Variants in NRXN3 observed in about 807,000 individuals in gnomAD.
The protein encoded by NRXN3 is neurexin III.
A neutral mutation model predicts 137.6 loss-of-function variants in NRXN3; 32 were observed. The observed-to-expected ratio is 0.23, with a 90% confidence interval of 0.18 to 0.31. The LOEUF is 0.31. Among genes scored for constraint, NRXN3 ranks in the 10% least tolerant of loss-of-function variants. The pLI is 1.00. For synonymous variants in NRXN3, 798 were observed against 784.5 expected (o/e 1.02, Z -0.29); for missense variants, 1,574 against 2,062.5 (o/e 0.76, Z 4.59).
chr14:79,386,506 C>A (rs1028271981), intron 15 of NRXN3, among the ~76,000 whole-genome samples: 1 of 152,004 alleles, frequency 6.6e-6, no homozygotes, highest in Admixed American at 6.6e-5. Flanking sequence ...GAATCAATAT[C>A]GTGAAAATGG....
At chr14:78,830,441 A>G (rs1218759129) in intron 10 of NRXN3, among the ~76,000 whole-genome samples, 8 of 152,184 alleles carry the variant, frequency 5.3e-5, no homozygotes. Context: ...CTGCTAACAT[A>G]GGATTTCCAA....
At chr14:78,885,227 T>C (rs574186067) in intron 10 of NRXN3, among the ~76,000 whole-genome samples, 2 of 149,936 alleles carry the variant, frequency 1.3e-5, no homozygotes, top group African/African-American at 2.4e-5. Context: ...AAATTACATA[T>C]GTAAAAAGTA....
At chr14:79,829,374 C>T (rs747969445) in intron 20 of NRXN3, among the ~76,000 whole-genome samples, 2 of 152,144 alleles carry the variant, frequency 1.3e-5, no homozygotes, top group Non-Finnish European at 2.9e-5. Flanking sequence ...ATATGTATTC[C>T]TTCTATCAAC....
intron 8 of NRXN3, among the ~76,000 whole-genome samples, chr14:78,794,634 GTA>G (rs559243848): frequency 0.03 from 4,509 of 149,658 alleles, 135 homozygotes; most frequent in African/African-American, 0.078. Flanking sequence ...GTGTGTGTGT[GTA>G]TATAATATAT....
intron 4 of NRXN3, among the ~76,000 whole-genome samples, chr14:78,446,620 A>G (rs1216963538): frequency 6.6e-6 from 1 of 152,224 alleles, no homozygotes; most frequent in Non-Finnish European, 1.5e-5. Context: ...AAGGGTCTTC[A>G]TGATATTCTG....
At chr14:79,782,568 C>T (rs1441112976) in intron 19 of NRXN3, among the ~76,000 whole-genome samples, 1 of 152,122 alleles carries the variant, frequency 6.6e-6, no homozygotes, top group East Asian at 1.9e-4. Flanking sequence ...ATCTGGCATG[C>T]ATTTAAATCT....
intron 15 of NRXN3, among the ~76,000 whole-genome samples, chr14:79,058,633 A>T (rs2152638843): frequency 6.6e-6 from 1 of 152,236 alleles, no homozygotes; most frequent in East Asian, 1.9e-4. Flanking sequence ...CTGTTGTCAT[A>T]ACTGTCATGG....
intron 20 of NRXN3, among the ~76,000 whole-genome samples, chr14:79,852,920 G>C (rs1293324726): frequency 6.6e-6 from 1 of 150,900 alleles, no homozygotes; most frequent in Non-Finnish European, 1.5e-5. Context: ...CTTTATCTTA[G>C]ATTTGATTTT....
chr14:79,206,373 G>C (rs74067908), intron 15 of NRXN3, among the ~76,000 whole-genome samples: 2,060 of 152,274 alleles, frequency 0.014, 37 homozygotes, highest in African/African-American at 0.046. Context: ...AGAAGGAAGA[G>C]AGCAGGCTGT....
intron 4 of NRXN3, among the ~76,000 whole-genome samples, chr14:78,512,473 A>C (rs1177230574): frequency 6.6e-6 from 1 of 152,158 alleles, no homozygotes; most frequent in African/African-American, 2.4e-5. Flanking sequence ...TCCAAAAGAG[A>C]CTGGAAAATG....
At chr14:79,602,692 C>T (rs1411339619) in intron 16 of NRXN3, among the ~76,000 whole-genome samples, 1 of 151,770 alleles carries the variant, frequency 6.6e-6, no homozygotes, top group Non-Finnish European at 1.5e-5. Context: ...AAGATCTAAC[C>T]AGTTCCTCCT....
chr14:79,744,863 C>T (rs971694178), intron 19 of NRXN3, among the ~76,000 whole-genome samples: 6 of 152,080 alleles, frequency 3.9e-5, no homozygotes, highest in South Asian at 4.1e-4. Flanking sequence ...ATAGGAACCA[C>T]GGTCCTGAAG....
At chr14:79,383,137 A>G (rs1326744631) in intron 15 of NRXN3, among the ~76,000 whole-genome samples, 3 of 152,088 alleles carry the variant, frequency 2.0e-5, no homozygotes, top group African/African-American at 7.2e-5. Context: ...ACCATTCCCA[A>G]TCCTCCAGTT....
At chr14:79,183,052 G>C (rs111507450) in intron 15 of NRXN3, among the ~76,000 whole-genome samples, 221 of 152,234 alleles carry the variant, frequency 1.5e-3, no homozygotes, top group Admixed American at 4.0e-3. Flanking sequence ...GTCTACATTT[G>C]AATTATGCCA....
chr14:79,601,365 C>A (rs1270945821), intron 16 of NRXN3, among the ~76,000 whole-genome samples: 1 of 152,040 alleles, frequency 6.6e-6, no homozygotes, highest in Non-Finnish European at 1.5e-5. Flanking sequence ...TGATGGGAGT[C>A]CAAGAATCTC....
intron 5 of NRXN3, among the ~76,000 whole-genome samples, chr14:78,645,779 T>C (rs1013893847): frequency 6.6e-6 from 1 of 152,206 alleles, no homozygotes; most frequent in Non-Finnish European, 1.5e-5. Context: ...AGGGACTGCA[T>C]TTTGTTTCTG....
At chr14:79,055,386 G>T (rs2099657128) in intron 15 of NRXN3, among the ~76,000 whole-genome samples, 1 of 152,160 alleles carries the variant, frequency 6.6e-6, no homozygotes, top group Admixed American at 6.5e-5. Context: ...CTGTACAGGT[G>T]AATAAATGGA....
At chr14:79,637,813 T>C (rs2098413264) in intron 16 of NRXN3, among the ~76,000 whole-genome samples, 1 of 140,236 alleles carries the variant, frequency 7.1e-6, no homozygotes. Context: ...CACTGCAACC[T>C]CCACCTCCTG....
At chr14:79,701,454 C>T (rs548326532) in intron 19 of NRXN3, among the ~76,000 whole-genome samples, 10 of 152,010 alleles carry the variant, frequency 6.6e-5, no homozygotes, top group Non-Finnish European at 7.4e-5. Context: ...TATTTACATA[C>T]CTTGTGCTTT....
Sources: allele counts gnomAD v4.1 joint callset (sites outside exome capture counted in the v4.1 genomes callset), GRCh38; gene constraint gnomAD v4.1.1; transcripts MANE v1.5; gene names NCBI Gene and HGNC (gene_info 2026-07-23, HGNC 2026-07-21).